Variants in SYNPR observed in about 807,000 individuals in gnomAD.
SYNPR encodes the protein synaptoporin.
SYNPR carries 23 observed loss-of-function variants against 32.9 expected under a neutral mutation model. That is an observed-to-expected ratio of 0.70 (90% CI 0.50 to 0.99). SYNPR has a LOEUF of 0.99. Ranked by LOEUF, SYNPR falls within the 50% of genes least tolerant of loss-of-function variation. The pLI is 0.00. For missense variants in SYNPR, 318 were observed against 349.3 expected (o/e 0.91, Z 0.71); for synonymous variants, 146 against 135.9 (o/e 1.07, Z -0.52).
intron 2 of SYNPR, among the ~76,000 whole-genome samples, chr3:63,301,516 A>T (rs1215600440): frequency 1.3e-5 from 2 of 152,106 alleles, no homozygotes; most frequent in African/African-American, 4.8e-5. Context: ...TCTCATATTG[A>T]GTTGATGTCT....
chr3:63,601,941 TC>T (rs1424477013), intron 4 of SYNPR, among the ~76,000 whole-genome samples: 1 of 152,214 alleles, frequency 6.6e-6, no homozygotes, highest in Non-Finnish European at 1.5e-5. Flanking sequence ...TAGTTTACGC[TC>T]CTACCAACAG....
At chr3:63,423,732 G>C (rs1466674712) in intron 2 of SYNPR, 2 of 152,218 alleles carry the variant, frequency 1.3e-5, no homozygotes, top group Non-Finnish European at 2.9e-5. Flanking sequence ...ACATGCCTAG[G>C]CTGTATCACT....
intron 2 of SYNPR, among the ~76,000 whole-genome samples, chr3:63,393,000 G>A (rs2088159309): frequency 6.6e-6 from 1 of 152,118 alleles, no homozygotes; most frequent in African/African-American, 2.4e-5. Flanking sequence ...TATGGCCGTG[G>A]AAAACTAAAT....
At chr3:63,239,156 T>C (rs2086219876) in intron 1 of SYNPR, among the ~76,000 whole-genome samples, 1 of 152,070 alleles carries the variant, frequency 6.6e-6, no homozygotes. Context: ...TAGATGTGGA[T>C]TCAACATATG....
chr3:63,544,470 T>C (rs1702365142), intron 3 of SYNPR, among the ~76,000 whole-genome samples: 1 of 152,116 alleles, frequency 6.6e-6, no homozygotes, highest in Non-Finnish European at 1.5e-5. Context: ...TTGTTCTATA[T>C]GCATAAGTGA....
intron 2 of SYNPR, among the ~76,000 whole-genome samples, chr3:63,454,216 G>A (rs1700436460): frequency 6.6e-6 from 1 of 152,182 alleles, no homozygotes; most frequent in South Asian, 2.1e-4. Context: ...GGGATGGGCT[G>A]TTCTTTCAAA....
chr3:63,382,899 C>A (rs184702788), intron 2 of SYNPR, among the ~76,000 whole-genome samples: 24 of 152,274 alleles, frequency 1.6e-4, no homozygotes, highest in African/African-American at 5.3e-4. Context: ...GAATTTCCAA[C>A]ATTCTGGATT....
At chr3:63,541,061 T>C (rs912213937) in intron 3 of SYNPR, among the ~76,000 whole-genome samples, 1 of 151,776 alleles carries the variant, frequency 6.6e-6, no homozygotes. Flanking sequence ...TTTGAAGTTT[T>C]TCTCTTGGAG....
chr3:63,473,312 T>C (rs1219893650), intron 2 of SYNPR, among the ~76,000 whole-genome samples: 4 of 152,182 alleles, frequency 2.6e-5, no homozygotes, highest in African/African-American at 9.7e-5. Flanking sequence ...TAAAGCACCA[T>C]TGCAGTGCCT....
intron 3 of SYNPR, among the ~76,000 whole-genome samples, chr3:63,493,739 C>A (rs1270374389): frequency 6.9e-6 from 1 of 144,778 alleles, no homozygotes; most frequent in Non-Finnish European, 1.5e-5. Flanking sequence ...TCACTTGAAC[C>A]CAGAAGGCGG....
At chr3:63,613,771 T>C (rs575320736) in intron 5 of SYNPR, among the ~76,000 whole-genome samples, 1 of 152,194 alleles carries the variant, frequency 6.6e-6, no homozygotes, top group Admixed American at 6.5e-5. Flanking sequence ...TCCTCCCAAC[T>C]ACCTTCCAAG....
At chr3:63,354,523 T>C (rs2087549754) in intron 2 of SYNPR, among the ~76,000 whole-genome samples, 1 of 152,144 alleles carries the variant, frequency 6.6e-6, no homozygotes, top group African/African-American at 2.4e-5. Flanking sequence ...GGCAAAGACA[T>C]AACAAGGGCA....
At chr3:63,312,842 G>T (rs1228644321) in intron 2 of SYNPR, among the ~76,000 whole-genome samples, 10 of 151,932 alleles carry the variant, frequency 6.6e-5, no homozygotes, top group Admixed American at 2.6e-4. Context: ...TAGGACTCTT[G>T]CTCTTGTTCT....
chr3:63,595,401 G>A (rs1699915493), intron 4 of SYNPR, among the ~76,000 whole-genome samples: 2 of 151,776 alleles, frequency 1.3e-5, no homozygotes, highest in South Asian at 4.2e-4. Flanking sequence ...CACCCAGCAG[G>A]TTTAAGCCAT....
intron 4 of SYNPR, among the ~76,000 whole-genome samples, chr3:63,583,016 C>T (rs1298016970): frequency 3.3e-5 from 5 of 151,534 alleles, no homozygotes; most frequent in African/African-American, 7.3e-5. Flanking sequence ...AAGAAGTCAG[C>T]GAGGGGAGAC....
intron 2 of SYNPR, among the ~76,000 whole-genome samples, chr3:63,258,387 C>T (rs1038757211): frequency 4.6e-5 from 7 of 152,156 alleles, no homozygotes; most frequent in Non-Finnish European, 1.0e-4. Context: ...GACCACAGTG[C>T]GATCAAACTA....
chr3:63,264,479 T>C (rs558917795), intron 2 of SYNPR, among the ~76,000 whole-genome samples: 2 of 152,330 alleles, frequency 1.3e-5, no homozygotes, highest in South Asian at 4.1e-4. Flanking sequence ...GAAAGTGCTC[T>C]ATATGAAGGG....
the SYNPR span, among the ~76,000 whole-genome samples, chr3:63,218,361 T>C: frequency 6.6e-6 from 1 of 152,024 alleles, no homozygotes; most frequent in African/African-American, 2.4e-5. Flanking sequence ...ATGAAGGGAG[T>C]AGTTAAGGTA....
intron 2 of SYNPR, among the ~76,000 whole-genome samples, chr3:63,253,820 T>C (rs1409822170): frequency 6.6e-6 from 1 of 152,196 alleles, no homozygotes; most frequent in South Asian, 2.1e-4. Context: ...TTACTGAGTA[T>C]ATACCCAAAG....
Sources: allele counts gnomAD v4.1 joint callset (sites outside exome capture counted in the v4.1 genomes callset), GRCh38; gene constraint gnomAD v4.1.1; transcripts MANE v1.5; gene names NCBI Gene and HGNC (gene_info 2026-07-23, HGNC 2026-07-21).